Variants in KIF3C observed in about 807,000 individuals in gnomAD.
The protein encoded by KIF3C is kinesin-like protein KIF3C.
Under a neutral mutation model 67.7 loss-of-function variants are expected in KIF3C, and 12 were observed. The observed-to-expected ratio is 0.18, with a 90% CI of 0.11 to 0.29. The LOEUF (loss-of-function observed/expected upper bound fraction) is 0.29, where lower values mean the gene tolerates loss of function less well. KIF3C is among the 10% of genes least tolerant of loss of function. KIF3C has a pLI of 1.00. For synonymous variants in KIF3C, 393 were observed against 426.2 expected (o/e 0.92, Z 0.96); for missense variants, 789 against 1,059.6 (o/e 0.74, Z 3.55).
At chr2:25,960,721 G>A (rs954968367) in intron 1 of KIF3C, among the ~76,000 whole-genome samples, 1 of 152,146 alleles carries the variant, frequency 6.6e-6, no homozygotes, top group Non-Finnish European at 1.5e-5. Context: ...CAGATCCCTT[G>A]AGTCCAGGAG....
intron 7 of KIF3C, 68 bp from the exon 8 acceptor site, chr2:25,929,139 C>A: frequency 2.7e-6 from 4 of 1,455,220 alleles, no homozygotes; most frequent in Non-Finnish European, 3.8e-6. Flanking sequence ...AGTGGGTCCT[C>A]TCCTTTGCCC....
chr2:25,937,299 G>A (rs936602997), intron 5 of KIF3C, among the ~76,000 whole-genome samples: 1 of 152,220 alleles, frequency 6.6e-6, no homozygotes, highest in Non-Finnish European at 1.5e-5. Flanking sequence ...TCTGCAGCTG[G>A]CAGTGATGGG....
At position 25,946,857 on chromosome 2, in the gene KIF3C, AAAAAAAGAAAGAAGGC is replaced by A. The variant is rs1446944630; in HGVS notation, c.2006+4916_2006+4931del. Among the ~76,000 whole-genome samples the A allele has an allele frequency of 3.3e-5, 5 of 151,488 alleles. 1 individual carries two copies. The East Asian group carries it at 9.8e-4, about 30-fold the overall frequency. On this transcript the variant is annotated intron_variant, in intron 5 of 7. Transcript: ENST00000264712. ...GACAGAGCGAGACTCCATCTCAAAA[AAAAAAAGAAAGAAGGC>A]TGGGCGCAGTGGCTCACGCCTGTAT...
chr2:25,970,667 CAAAAAAAAAAAAA>C (rs397984116), intron 1 of KIF3C, among the ~76,000 whole-genome samples: 1 of 54,802 alleles, frequency 1.8e-5, no homozygotes, highest in South Asian at 7.7e-4. Context: ...AACTTTGTCT[CAAAAAAAAAAAAA>C]AAAAAAAAAA....
chr2:25,973,727 T>C (rs541774186), intron 1 of KIF3C, among the ~76,000 whole-genome samples: 3 of 152,296 alleles, frequency 2.0e-5, no homozygotes, highest in African/African-American at 7.2e-5. Flanking sequence ...GCTTCCATAA[T>C]TCGTACTCCC....
At chr2:25,942,451 C>T (rs1042746534) in intron 5 of KIF3C, among the ~76,000 whole-genome samples, 3 of 151,292 alleles carry the variant, frequency 2.0e-5, no homozygotes, top group Non-Finnish European at 4.4e-5. Flanking sequence ...ACTCTTGTTG[C>T]CCAGGCTGGA....
At chr2:25,930,560 G>A (rs1312055134) in intron 5 of KIF3C, among the ~76,000 whole-genome samples, 1 of 151,734 alleles carries the variant, frequency 6.6e-6, no homozygotes, top group Non-Finnish European at 1.5e-5. Context: ...TTTTTGAGAC[G>A]AAGTTTTGCT....
chr2:25,929,313 G>A lies in KIF3C; in HGVS notation c.2280C>T (p.Ser760=), dbSNP rs1234371536. ...ERPSTSKVRK[S]RSWCQSPQRP... is the part of the protein sequence containing the mutation. ...ACCATGGAGGTACTGACCAGGATCT[G>A]GACTTTCGGACTTTAGACGTGGAAG... The change falls in exon 7 of 8, where the codon TCC becomes TCT. Residue 760 remains serine, a synonymous_variant. Coordinates refer to ENST00000264712, the MANE Select transcript of KIF3C (RefSeq NM_002254.8). 1 of 1,614,014 alleles carries A rather than the reference G, an allele frequency of 6.2e-7. No individual in the cohort carries two copies. Among genetic ancestry groups the A allele is most frequent in the Admixed American group, 1.7e-5 (1 of 60,012 alleles).
chr2:25,945,974 A>G (rs1436448799), intron 5 of KIF3C, among the ~76,000 whole-genome samples: 1 of 151,220 alleles, frequency 6.6e-6, no homozygotes, highest in Non-Finnish European at 1.5e-5. Flanking sequence ...TTAGCCGGGC[A>G]TGGTGGTGGG....
Position 25,980,725 on chromosome 2 carries a change from C to A in KIF3C, c.1193G>T (p.Gly398Val), listed in dbSNP as rs150062310. The A allele has an allele frequency of 8.2e-5, 132 of 1,614,032 alleles. No homozygotes were observed. Among genetic ancestry groups the A allele is most frequent in the Non-Finnish European group, 1.1e-4 (129 of 1,180,010 alleles). ...CCTCCGGGGCCGCTTCCCCAGCATC[C>A]CCCTCTTCTCCAGCTGGGCCTTCAG... ...ARLKAQLEKR[G>V]MLGKRPRRKS... is the part of the protein sequence containing the mutation. Residue 398 changes from glycine to valine, a missense_variant, in exon 1 of 8, where the codon GGG (glycine) becomes GTG (valine). By Grantham distance (109) the Gly-to-Val change is moderately radical. Coordinates refer to ENST00000264712, the MANE Select transcript of KIF3C (RefSeq NM_002254.8). This position sits in a 1 kb window ranked among gnomAD's most constrained non-coding sequence, Gnocchi z 7.6.
chr2:25,967,862 A>G (rs1037509400), intron 1 of KIF3C, among the ~76,000 whole-genome samples: 1 of 152,136 alleles, frequency 6.6e-6, no homozygotes, highest in Non-Finnish European at 1.5e-5. Context: ...AAACAAAACA[A>G]AACAACCAGC....
intron 1 of KIF3C, among the ~76,000 whole-genome samples, chr2:25,977,231 G>C (rs558641094): frequency 1.3e-5 from 2 of 152,248 alleles, no homozygotes; most frequent in African/African-American, 4.8e-5. Flanking sequence ...GGAGAACAAA[G>C]AGAACAGGGA....
chr2:25,966,262 C>T (rs1005330522), intron 1 of KIF3C, among the ~76,000 whole-genome samples: 7 of 152,160 alleles, frequency 4.6e-5, no homozygotes, highest in Non-Finnish European at 8.8e-5. Flanking sequence ...CCTGCCACCA[C>T]GCCCAGCTAG....
intron 1 of KIF3C, among the ~76,000 whole-genome samples, chr2:25,978,719 C>G (rs1005740101): frequency 1.3e-5 from 2 of 152,158 alleles, no homozygotes; most frequent in Non-Finnish European, 2.9e-5. Context: ...ATTTTCCTCC[C>G]TTCTTAGCCT....
intron 1 of KIF3C, among the ~76,000 whole-genome samples, chr2:25,979,934 T>G (rs1011858626): frequency 3.3e-5 from 5 of 152,196 alleles, no homozygotes; most frequent in Non-Finnish European, 5.9e-5. Flanking sequence ...TTTTTTGAAC[T>G]GAAGCACTAA....
intron 5 of KIF3C, among the ~76,000 whole-genome samples, chr2:25,936,382 A>G (rs1663125697): frequency 6.6e-6 from 1 of 152,138 alleles, no homozygotes; most frequent in Non-Finnish European, 1.5e-5. Context: ...CTTAGGAAAA[A>G]GTCTAGATAT....
rs1663779112 is a variant in KIF3C at position 25,955,371 on chromosome 2, C to T, written c.1770+170G>A. ...AGGAGAAAAGGCTCTACTCCACCCC[C>T]AGCCCCCGCCTCCTGCCTCCCCCTG... is the stretch of plus-strand genomic sequence containing the variant. On this transcript the variant is annotated intron_variant, in intron 3 of 7. Coordinates refer to ENST00000264712, the MANE Select transcript of KIF3C (RefSeq NM_002254.8). This position sits in a 1 kb window ranked among gnomAD's most constrained non-coding sequence, Gnocchi z 5.0. 1.3e-5 allele frequency among the ~76,000 whole-genome samples: 2 copies of T among 152,272 alleles called. No homozygotes were observed.
chr2:25,974,732 A>G (rs1664367132), intron 1 of KIF3C, among the ~76,000 whole-genome samples: 1 of 151,960 alleles, frequency 6.6e-6, no homozygotes, highest in Non-Finnish European at 1.5e-5. Flanking sequence ...GAGTGTCAAA[A>G]ATAGAGGGGC....
chr2:25,962,800 A>G (rs1185450971), intron 1 of KIF3C, among the ~76,000 whole-genome samples: 1 of 93,270 alleles, frequency 1.1e-5, no homozygotes, highest in Non-Finnish European at 2.0e-5. Flanking sequence ...TATATATTAT[A>G]TAATATATAA....
Sources: gnomAD v4.1 joint callset for allele counts (sites outside exome capture counted in the v4.1 genomes callset) on GRCh38, gnomAD v4.1.1 for gene constraint, Gnocchi (gnomAD v3.1) non-coding constraint, MANE v1.5 for transcripts, NCBI Gene and HGNC (gene_info 2026-07-23, HGNC 2026-07-21) for gene names.